The following G3BP1 variants were observed in gnomAD, a reference collection of about 807,000 sequenced individuals.
G3BP1 encodes the protein ras GTPase-activating protein-binding protein 1.
G3BP1 carries 35 observed loss-of-function variants against 58.6 expected under a neutral mutation model. The observed-to-expected ratio is 0.60, with a 90% CI of 0.46 to 0.79. The LOEUF (loss-of-function observed/expected upper bound fraction) is 0.79. Among genes scored for constraint, G3BP1 ranks in the 30% least tolerant of loss-of-function variants. G3BP1 has a pLI of 0.00. For missense variants in G3BP1, 523 were observed against 580.8 expected, an observed-to-expected ratio of 0.90 and a Z score of 1.02; for synonymous variants, 191 against 195.4, an observed-to-expected ratio of 0.98 and a Z score of 0.19.
At position 151,786,668 on chromosome 5, in the gene G3BP1, G is replaced by A. The variant is rs1023653722; in HGVS notation, c.48G>A (p.Val16=). The A allele has an allele frequency of 4.3e-6, 7 of 1,613,568 alleles. No homozygotes were observed. In the African/African-American group the frequency reaches 6.7e-5, roughly 15 times the overall value. The change falls in exon 2 of 12, where the codon GTG becomes GTA. Residue 16 remains valine (V), a synonymous_variant. Transcript: ENST00000356245. ...PSPLLVGREF[V]RQYYTLLNQA... ...CCCTGCTGGTCGGGCGGGAATTTGT[G>A]AGACAGTATTACACACTGCTGAACC...
intron 4 of G3BP1, among the ~76,000 whole-genome samples, chr5:151,793,831 CAAAAAA>C (rs751382380): frequency 3.1e-5 from 3 of 97,804 alleles, no homozygotes; most frequent in Admixed American, 1.1e-4. Flanking sequence ...CGTCTCTACT[CAAAAAA>C]AAAAAAAAAA....
Position 151,809,421 on chromosome 5 carries a change from A to G in G3BP1, c.*5330A>G, listed in dbSNP as rs1191476622. 2 of 152,224 alleles carry G rather than the reference A, an allele frequency of 1.3e-5. No homozygotes were observed. Among genetic ancestry groups the G allele is most frequent in the East Asian group, 1.9e-4 (1 of 5,192 alleles). 9.4% of individuals were successfully genotyped at this position (152,224 alleles called of 1,614,324 possible). ...TAGGACATGTGGTTTTAAAAAATTC[A>G]TGGATTTTGAAGAAGGATAGGGTGG... is the stretch of plus-strand genomic sequence containing the variant. On this transcript the variant is annotated 3_prime_UTR_variant, in exon 12 of 12. Coordinates refer to ENST00000356245, the MANE Select transcript of G3BP1 (RefSeq NM_005754.3).
rs1762927546 is a variant in G3BP1, at chr5:151,805,485, A to C, written c.*1394A>C. On this transcript the variant is annotated 3_prime_UTR_variant, in exon 12 of 12. Coordinates refer to ENST00000356245, the MANE Select transcript of G3BP1 (RefSeq NM_005754.3). ...TGATTGTCATTACTAATTGAAGGGC[A>C]ACCAGGTTGTAAAATTCAGCGTATT... 6.6e-6 allele frequency: 1 copy of C among 152,310 alleles called. No individual in the cohort carries two copies. Among genetic ancestry groups the C allele is most frequent in the South Asian group, 2.1e-4 (1 of 4,830 alleles). The allele number at this position is 152,310 out of a possible 1,614,324, so 9.4% of individuals were successfully genotyped here. A position where few individuals can be genotyped will look rare whatever the true frequency, so the allele number is the denominator to read the frequency against.
chr5:151,796,166 T>G (rs1762744798), intron 6 of G3BP1, among the ~76,000 whole-genome samples: 1 of 152,232 alleles, frequency 6.6e-6, no homozygotes, highest in East Asian at 1.9e-4. Context: ...TGTGATGAAC[T>G]AATCAGGTTA....
rs1762950075 is a variant in G3BP1, at chr5:151,807,244, A to G, written c.*3153A>G. On this transcript the variant is annotated 3_prime_UTR_variant, in exon 12 of 12. Transcript: ENST00000356245. ...GGTTAGGTGATATTGTCCTCAGCACAATAGATGAGGAAGAAACTGAATCAG... is the reference window on the plus strand; with the variant it reads ...GGTTAGGTGATATTGTCCTCAGCACGATAGATGAGGAAGAAACTGAATCAG... 1 of 152,236 alleles carries G rather than the reference A, an allele frequency of 6.6e-6. No individual in the cohort carries two copies. The highest frequency in any genetic ancestry group is 2.1e-4 in the South Asian group (1 of 4,836). 9.4% of individuals were successfully genotyped at this position (152,236 alleles called of 1,614,324 possible).
At chr5:151,802,879 G>A (rs573176933) in intron 11 of G3BP1, among the ~76,000 whole-genome samples, 62 of 152,302 alleles carry the variant, frequency 4.1e-4, no homozygotes, top group Middle Eastern at 6.8e-3. Flanking sequence ...CTTGCAGTGA[G>A]CCGAGATCGC....
chr5:151,802,924 C>T (rs997595070), intron 11 of G3BP1, among the ~76,000 whole-genome samples: 1 of 152,160 alleles, frequency 6.6e-6, no homozygotes, highest in Non-Finnish European at 1.5e-5. Context: ...CAGAGCGAGA[C>T]TCCATCTCAA....
At chr5:151,791,226 A>G (rs1762646900) in intron 4 of G3BP1, 164 bp downstream of exon 4, 1 of 576,854 alleles carries the variant, frequency 1.7e-6, no homozygotes, top group Non-Finnish European at 3.1e-6. Context: ...AGCTGTCACC[A>G]CTTGCCCACA....
chr5:151,800,899 T>G (rs753220507), intron 11 of G3BP1, 30 bp downstream of exon 11: 1 of 1,138,364 alleles, frequency 8.8e-7, no homozygotes, highest in Non-Finnish European at 1.3e-6. Context: ...GATTTTTTTT[T>G]TTTTTTTTTA....
chr5:151,789,270 T>G (rs1446021835), intron 2 of G3BP1, among the ~76,000 whole-genome samples: 1 of 152,028 alleles, frequency 6.6e-6, no homozygotes, highest in Non-Finnish European at 1.5e-5. Flanking sequence ...TGGCAAAGCC[T>G]TCTCTCTATA....
chr5:151,811,952 A>C lies in G3BP1; in HGVS notation c.*7861A>C, dbSNP rs1481511139. On this transcript the variant is annotated 3_prime_UTR_variant, in exon 12 of 12. Transcript: ENST00000356245. ...CTGACCTGATTTTCCAGGCCAATTA[A>C]TTAAAATGTCCCCAGGCTGCTTTTT... 6.6e-6 allele frequency: 1 copy of C among 152,222 alleles called. No individual in the cohort carries two copies. The highest frequency in any genetic ancestry group is 1.5e-5 in the Non-Finnish European group (1 of 68,038). 9.4% of individuals were successfully genotyped at this position (152,222 alleles called of 1,614,324 possible).
chr5:151,801,881 C>G (rs1018566363), intron 11 of G3BP1, among the ~76,000 whole-genome samples: 1 of 151,116 alleles, frequency 6.6e-6, no homozygotes, highest in Non-Finnish European at 1.5e-5. Flanking sequence ...ATGGTGTGAT[C>G]TTGGCTCACT....
Position 151,800,782 on chromosome 5 carries a change from G to T in G3BP1, c.1107G>T (p.Leu369Phe). The change falls in exon 11 of 12, where the codon TTG becomes TTT. Residue 369 changes from leucine (L) to phenylalanine (F), a missense_variant. Coordinates refer to ENST00000356245, the MANE Select transcript of G3BP1 (RefSeq NM_005754.3). Reference protein sequence around the residue: ...FFQSYGNVVELRINSGGKLPN... With the variant: ...FFQSYGNVVEFRINSGGKLPN... Reference sequence around the variant, plus strand: ...CAGGTTATGGAAACGTGGTGGAGTTGCGCATTAACAGTGGTGGGAAATTAC... The same window carrying T: ...CAGGTTATGGAAACGTGGTGGAGTTTCGCATTAACAGTGGTGGGAAATTAC... The T allele has an allele frequency of 6.2e-7, 1 of 1,610,620 alleles. No homozygotes were observed. The highest frequency in any genetic ancestry group is 8.5e-7 in the Non-Finnish European group (1 of 1,177,054).
rs562653828 is a variant in G3BP1 at position 151,778,415 on chromosome 5, A to G, written c.-50+6379A>G. Among the ~76,000 whole-genome samples the G allele has an allele frequency of 2.0e-5, 3 of 152,184 alleles. No homozygotes were observed. In the East Asian group the frequency reaches 5.8e-4, roughly 29 times the overall value. ...CGAAATATCTTTAAGTCTTTTGCTC[A>G]TATTTTATGGGATTGGTTACTTAAT... On this transcript the variant is annotated intron_variant, in intron 1 of 11. Coordinates refer to ENST00000356245, the MANE Select transcript of G3BP1 (RefSeq NM_005754.3).
chr5:151,788,572 A>ATG (rs10634385), intron 2 of G3BP1, among the ~76,000 whole-genome samples: 27,529 of 132,468 alleles, frequency 0.21, 2,888 homozygotes, highest in Middle Eastern at 0.25. Flanking sequence ...CTAAGTTTAT[A>ATG]TGTGTGTGTG....
Position 151,791,158 on chromosome 5 carries a change from A to C in G3BP1, c.351+96A>C, listed in dbSNP as rs1168663725. 81 of 1,078,624 alleles carry C rather than the reference A, an allele frequency of 7.5e-5. No individual in the cohort carries two copies. In the East Asian group the frequency reaches 1.8e-3, roughly 24 times the overall value. The allele number at this position is 1,078,624 out of a possible 1,614,324, so 66.8% of individuals were successfully genotyped here. A position where few individuals can be genotyped will look rare whatever the true frequency, so the allele number is the denominator to read the frequency against. On this transcript the variant is annotated intron_variant, in intron 4 of 11. Transcript: ENST00000356245. ...TCTTTAAAAACACTTGAAATTTCAG[A>C]CTTACAGAAAACTTGGAATAATAGT...
chr5:151,778,621 T>C (rs1356970225), intron 1 of G3BP1, among the ~76,000 whole-genome samples: 1 of 152,082 alleles, frequency 6.6e-6, no homozygotes, highest in Non-Finnish European at 1.5e-5. Flanking sequence ...TTTGTATTTT[T>C]AGTAGAGATG....
At chr5:151,781,876 T>C (rs1762476924) in intron 1 of G3BP1, among the ~76,000 whole-genome samples, 1 of 152,140 alleles carries the variant, frequency 6.6e-6, no homozygotes, top group African/African-American at 2.4e-5. Flanking sequence ...TTTTGAGGAG[T>C]CAAGTTATAC....
intron 1 of G3BP1, among the ~76,000 whole-genome samples, chr5:151,774,902 A>G (rs929803137): frequency 2.0e-5 from 3 of 151,296 alleles, no homozygotes; most frequent in South Asian, 2.1e-4. Context: ...TAGGTTTATA[A>G]TTTTATATCT....
Sources: gnomAD v4.1 joint callset for allele counts (sites outside exome capture counted in the v4.1 genomes callset) on GRCh38, gnomAD v4.1.1 for gene constraint, MANE v1.5 for transcripts, NCBI Gene and HGNC (gene_info 2026-07-23, HGNC 2026-07-21) for gene names.